FGD6: variants seen among roughly 807,000 people sequenced by gnomAD.
The protein encoded by FGD6 is FYVE, RhoGEF and PH domain containing 6.
In FGD6, 90 loss-of-function variants were observed where a neutral mutation model predicts 149.4. The observed-to-expected ratio is 0.60, with a 90% CI of 0.51 to 0.72. The LOEUF (loss-of-function observed/expected upper bound fraction) is 0.72, where lower values mean the gene tolerates loss of function less well. FGD6 is among the 30% of genes least tolerant of loss of function. FGD6 has a pLI of 0.00. For missense variants in FGD6, 1,437 were observed against 1,684.8 expected, an observed-to-expected ratio of 0.85 and a Z score of 2.57; for synonymous variants, 527 against 584.0, an observed-to-expected ratio of 0.90 and a Z score of 1.41.
chr12:95,141,375 G>C lies in FGD6; in HGVS notation c.2837+13C>G. 6.2e-7 allele frequency: 1 copy of C among 1,609,380 alleles called. No individual in the cohort carries two copies. Among genetic ancestry groups the C allele is most frequent in the African/African-American group, 1.3e-5 (1 of 74,870 alleles). ...GGAAACACTAGGAAAATCTGAAAACGGTCCATTTTTACCAGTGCAACATTC... is the reference window on the plus strand; with the variant it reads ...GGAAACACTAGGAAAATCTGAAAACCGTCCATTTTTACCAGTGCAACATTC... On this transcript the variant is annotated intron_variant, in intron 6 of 20. Coordinates refer to ENST00000343958, the MANE Select transcript of FGD6 (RefSeq NM_018351.4).
chr12:95,080,758 A>G lies in FGD6; in HGVS notation c.*762T>C, dbSNP rs1035500269. Reference sequence around the variant, plus strand: ...AAATGATACATTTATGTTTGTTTCGAAGTGGTAGATTTTTTAAAAGATTGG... The same window carrying G: ...AAATGATACATTTATGTTTGTTTCGGAGTGGTAGATTTTTTAAAAGATTGG... On this transcript the variant is annotated 3_prime_UTR_variant, in exon 21 of 21. Transcript: ENST00000343958. 1 of 152,194 alleles carries G rather than the reference A, an allele frequency of 6.6e-6. No homozygotes were observed. Among genetic ancestry groups the G allele is most frequent in the African/African-American group, 2.4e-5 (1 of 41,456 alleles). The allele number at this position is 152,194 out of a possible 1,614,324, so 9.4% of individuals were successfully genotyped here.
In FGD6 at chr12:95,172,820, T is replaced by C. The variant is rs1265439187; in HGVS notation, c.2442-76A>G. 6 of 1,216,358 alleles carry C rather than the reference T, an allele frequency of 4.9e-6. No individual in the cohort carries two copies. The South Asian group carries it at 1.2e-4, about 25-fold the overall frequency. The allele number at this position is 1,216,358 out of a possible 1,614,324, so 75.3% of individuals were successfully genotyped here. ...TAGCAAAACAAAAACCAAATCAACATCTTATCTTCATAATGCAAACAAGAT... is the reference window on the plus strand; with the variant it reads ...TAGCAAAACAAAAACCAAATCAACACCTTATCTTCATAATGCAAACAAGAT... On this transcript the variant is annotated intron_variant, in intron 2 of 20. Coordinates refer to ENST00000343958, the MANE Select transcript of FGD6 (RefSeq NM_018351.4).
rs80324051 is a variant in FGD6, at chr12:95,089,816, G to T, written c.3851-120C>A. 1,698 of 1,282,920 alleles carry T rather than the reference G, an allele frequency of 1.3e-3. 23 individuals are homozygous for T. In the African/African-American group the frequency reaches 0.022, roughly 17 times the overall value. The allele number at this position is 1,282,920 out of a possible 1,614,324, so 79.5% of individuals were successfully genotyped here. A position where few individuals can be genotyped will look rare whatever the true frequency, so the allele number is the denominator to read the frequency against. On this transcript the variant is annotated intron_variant, in intron 17 of 20. Coordinates refer to ENST00000343958, the MANE Select transcript of FGD6 (RefSeq NM_018351.4). ...TGGAAGGACACTAAGAAACAACATTGATAACTCCTGGAAAAGGACAATGGA... is the reference window on the plus strand; with the variant it reads ...TGGAAGGACACTAAGAAACAACATTTATAACTCCTGGAAAAGGACAATGGA...
intron 3 of FGD6, among the ~76,000 whole-genome samples, chr12:95,157,488 C>T (rs752062574): frequency 6.1e-5 from 9 of 146,498 alleles, no homozygotes; most frequent in Admixed American, 1.4e-4. Context: ...ATCACTTGAA[C>T]CCAGGAGGCA....
chr12:95,140,037 A>C (rs1173088351), intron 6 of FGD6, among the ~76,000 whole-genome samples: 2 of 152,224 alleles, frequency 1.3e-5, no homozygotes. Flanking sequence ...CTTATCTGCC[A>C]TATTTACCCA....
intron 9 of FGD6, among the ~76,000 whole-genome samples, chr12:95,113,251 GAGA>G (rs1277242725): frequency 1.7e-5 from 1 of 59,724 alleles, no homozygotes; most frequent in Admixed American, 1.6e-4. Flanking sequence ...TTTTTTTTTT[GAGA>G]AGGAGTCTCG....
At chr12:95,110,271 C>T (rs12319710) in intron 9 of FGD6, among the ~76,000 whole-genome samples, 95,316 of 151,492 alleles carry the variant, frequency 0.63, 30,238 homozygotes, top group East Asian at 0.68. Context: ...CCACCACACC[C>T]GGCCTGTATT....
intron 8 of FGD6, among the ~76,000 whole-genome samples, chr12:95,128,642 C>T (rs1014732377): frequency 2.6e-5 from 4 of 152,190 alleles, no homozygotes; most frequent in African/African-American, 9.7e-5. Flanking sequence ...AAGATCAATA[C>T]AATTTTTAGG....
intron 3 of FGD6, among the ~76,000 whole-genome samples, chr12:95,154,561 T>C (rs1880415216): frequency 6.6e-6 from 1 of 152,138 alleles, no homozygotes; most frequent in Non-Finnish European, 1.5e-5. Flanking sequence ...AAATTTTAGA[T>C]GTTACACCTA....
chr12:95,217,184 G>A, intron 1 of FGD6, 41 bp downstream of exon 1: 1 of 1,611,400 alleles, frequency 6.2e-7, no homozygotes, highest in Non-Finnish European at 8.5e-7. Context: ...AGCAGCGCTC[G>A]CCACAAACTT....
chr12:95,094,563 G>GAA (rs55905327), intron 15 of FGD6, 29 bp downstream of exon 15: 1,990 of 1,261,548 alleles, frequency 1.6e-3, no homozygotes, highest in South Asian at 1.9e-3. Flanking sequence ...AAATGCACTG[G>GAA]AAAAAAAAAA....
intron 18 of FGD6, among the ~76,000 whole-genome samples, chr12:95,086,896 G>A (rs927612885): frequency 7.0e-6 from 1 of 142,108 alleles, no homozygotes; most frequent in African/African-American, 2.6e-5. Context: ...CACCCAGGCT[G>A]GAGTGCAGTG....
Position 95,080,619 on chromosome 12 carries a change from G to A in FGD6, c.*901C>T, listed in dbSNP as rs778461137. 6.6e-6 allele frequency: 1 copy of A among 151,938 alleles called. No individual in the cohort carries two copies. The highest frequency in any genetic ancestry group is 2.4e-5 in the African/African-American group (1 of 41,378). The allele number at this position is 151,938 out of a possible 1,614,324, so 9.4% of individuals were successfully genotyped here. Reference sequence around the variant, plus strand: ...TCCATTTGTAATGCACAATATTTTTGGAAATGTAACATTACTTATAGATAC... The same window carrying A: ...TCCATTTGTAATGCACAATATTTTTAGAAATGTAACATTACTTATAGATAC... On this transcript the variant is annotated 3_prime_UTR_variant, in exon 21 of 21. Coordinates refer to ENST00000343958, the MANE Select transcript of FGD6 (RefSeq NM_018351.4).
intron 8 of FGD6, among the ~76,000 whole-genome samples, chr12:95,120,736 A>T (rs1296627181): frequency 6.6e-6 from 1 of 152,188 alleles, no homozygotes; most frequent in Admixed American, 6.6e-5. Context: ...TGGGTGCTTG[A>T]TACATATCAC....
intron 1 of FGD6, among the ~76,000 whole-genome samples, chr12:95,211,699 C>A (rs981092907): frequency 2.0e-5 from 3 of 152,032 alleles, no homozygotes; most frequent in African/African-American, 7.2e-5. Flanking sequence ...ACCACCACAT[C>A]CGGCTAAGTT....
intron 15 of FGD6, 76 bp downstream of exon 15, chr12:95,094,516 C>G: frequency 1.0e-6 from 1 of 984,914 alleles, no homozygotes; most frequent in Non-Finnish European, 1.5e-6. Flanking sequence ...ATGTTGCTTT[C>G]TTAAACCCCT....
At chr12:95,155,475 C>A (rs1880441133) in intron 3 of FGD6, among the ~76,000 whole-genome samples, 1 of 152,136 alleles carries the variant, frequency 6.6e-6, no homozygotes, top group Non-Finnish European at 1.5e-5. Context: ...TTGCAGTGAG[C>A]CGAGATGGTG....
chr12:95,107,384 T>G (rs980864181), intron 12 of FGD6, among the ~76,000 whole-genome samples, 179 bp downstream of exon 12: 1 of 152,232 alleles, frequency 6.6e-6, no homozygotes, highest in Non-Finnish European at 1.5e-5. Flanking sequence ...CTTCTGGTTA[T>G]ACATCATAAC....
In FGD6 at chr12:95,209,842, T is replaced by C. The variant is rs1403434476; in HGVS notation, c.1442A>G (p.Gln481Arg). The change falls in exon 2 of 21, where the codon CAA becomes CGA. Residue 481 changes from glutamine (Q) to arginine (R), a missense_variant. Physicochemically the swap from Gln to Arg is conservative, Grantham distance 43. Coordinates refer to ENST00000343958, the MANE Select transcript of FGD6 (RefSeq NM_018351.4). ...TTCCTCTTTTATAACAGATTCCTTT[T>C]GCATTTGAGGGGCAGAAACTCCCAG... ...RNLGVSAPQMQKESVIKEENS... is the reference protein window; with the variant it reads ...RNLGVSAPQMRKESVIKEENS... 4 of 1,607,162 alleles carry C rather than the reference T, an allele frequency of 2.5e-6. No homozygotes were observed. The highest frequency in any genetic ancestry group is 4.5e-5 in the East Asian group (2 of 44,868).
Sources: allele counts gnomAD v4.1 joint callset (sites outside exome capture counted in the v4.1 genomes callset), GRCh38; gene constraint gnomAD v4.1.1; transcripts MANE v1.5; gene names NCBI Gene and HGNC (gene_info 2026-07-23, HGNC 2026-07-21).